ZFYVE9: variants seen among roughly 807,000 people sequenced by gnomAD.
ZFYVE9 encodes zinc finger FYVE domain-containing protein 9.
A neutral mutation model predicts 126.7 loss-of-function variants in ZFYVE9; 43 were observed. The ratio of observed to expected loss-of-function variants is 0.34; its 90% CI spans 0.27 to 0.44. ZFYVE9 has a LOEUF of 0.44. ZFYVE9 is among the 20% of genes least tolerant of loss of function. The probability of loss-of-function intolerance (pLI) is 1.00; values close to 1 mark genes in which losing one functional copy is unlikely to be tolerated. For synonymous variants in ZFYVE9, 521 were observed against 597.4 expected, an observed-to-expected ratio of 0.87 and a Z score of 1.87; for missense variants, 1,476 against 1,697.0, an observed-to-expected ratio of 0.87 and a Z score of 2.29.
chr1:52,272,725 A>G (rs886904118), intron 7 of ZFYVE9, among the ~76,000 whole-genome samples: 4 of 141,546 alleles, frequency 2.8e-5, no homozygotes, highest in African/African-American at 1.1e-4. Context: ...ACTGGAATGC[A>G]GTGGCAGGAT....
chr1:52,177,121 A>G lies in ZFYVE9; in HGVS notation c.-143+34718A>G, dbSNP rs1572076276. Among the ~76,000 whole-genome samples, 4 of 146,998 alleles carry G rather than the reference A, an allele frequency of 2.7e-5. No homozygotes were observed. The South Asian group carries it at 6.5e-4, about 24-fold the overall frequency. ...GGAGCTGTAGACCGGAGCTGTTCCT[A>G]TTTGGCCATCTTGGCTCCCCAGCCC... is the stretch of plus-strand genomic sequence containing the variant. On this transcript the variant is annotated intron_variant, in intron 1 of 18. Coordinates refer to ENST00000287727, the MANE Select transcript of ZFYVE9 (RefSeq NM_004799.4).
chr1:52,209,718 G>A (rs977189264), intron 1 of ZFYVE9, among the ~76,000 whole-genome samples: 1 of 152,302 alleles, frequency 6.6e-6, no homozygotes, highest in East Asian at 1.9e-4. Context: ...GAGGGTTTGT[G>A]TTGATCAAGA....
chr1:52,327,604 A>G (rs560079421), intron 13 of ZFYVE9, among the ~76,000 whole-genome samples: 3 of 147,310 alleles, frequency 2.0e-5, no homozygotes, highest in African/African-American at 7.4e-5. Context: ...CTTGTCTCAG[A>G]AAAAAAAAAA....
At chr1:52,233,149 G>A (rs1572120491) in intron 2 of ZFYVE9, 22 bp from the exon 3 acceptor site, 3 of 1,105,814 alleles carry the variant, frequency 2.7e-6, no homozygotes, top group Non-Finnish European at 2.5e-6. Context: ...AATTCAAAAT[G>A]TAATACGCAT....
intron 10 of ZFYVE9, among the ~76,000 whole-genome samples, chr1:52,292,282 CAA>C (rs568918260): frequency 9.7e-5 from 7 of 72,276 alleles, no homozygotes; most frequent in East Asian, 7.7e-4. Context: ...GACTCCATCT[CAA>C]AAAAAAAAAA....
At position 52,303,925 on chromosome 1, in the gene ZFYVE9, G is replaced by A. The variant is rs1390053814; in HGVS notation, c.3438G>A (p.Glu1146=). The A allele has an allele frequency of 6.3e-7, 1 of 1,587,124 alleles. No individual in the cohort carries two copies. The highest frequency in any genetic ancestry group is 8.6e-7 in the Non-Finnish European group (1 of 1,167,272). The change falls in exon 13 of 19, where the codon GAG becomes GAA. Residue 1146 remains glutamate, a splice_region_variant and synonymous_variant. Coordinates refer to ENST00000287727, the MANE Select transcript of ZFYVE9 (RefSeq NM_004799.4). The stretch of plus-strand genomic sequence containing the variant: ...AAATTCCCAGCAACAGATACAATGA[G>A]GTAAGATTTACCATGAAGGCGTATT... ...SIKIPSNRYN[E]MMKAMNKSNE... is the part of the protein sequence containing the mutation.
chr1:52,346,104 G>C lies in ZFYVE9; in HGVS notation c.4161G>C (p.Gln1387His). 6.2e-7 allele frequency: 1 copy of C among 1,612,562 alleles called. No individual in the cohort carries two copies. The highest frequency in any genetic ancestry group is 8.5e-7 in the Non-Finnish European group (1 of 1,178,898). Residue 1387 changes from glutamine to histidine, a missense_variant, in exon 19 of 19, where the codon CAG becomes CAC. This residue lies in a region of ZFYVE9 where 669 missense variants were observed against 902.4 expected (regional missense o/e 0.74). Transcript: ENST00000287727. ...AGSNGQPLPS[Q>H]YMNDLDSALV... is the part of the protein sequence containing the mutation. The stretch of plus-strand genomic sequence containing the variant: ...GCAATGGCCAGCCCCTTCCCTCGCA[G>C]TACATGAATGATCTGGACAGCGCCT...
chr1:52,216,082 AT>A (rs1007114106), intron 1 of ZFYVE9, among the ~76,000 whole-genome samples: 3 of 152,212 alleles, frequency 2.0e-5, no homozygotes, highest in Non-Finnish European at 2.9e-5. Flanking sequence ...AATTAAAGTC[AT>A]TGGGTAGAAA....
chr1:52,269,151 T>C (rs182273668), intron 7 of ZFYVE9, among the ~76,000 whole-genome samples: 82 of 152,272 alleles, frequency 5.4e-4, no homozygotes, highest in African/African-American at 1.9e-3. Flanking sequence ...TTTCTTTTTT[T>C]GAGATAGAGT....
chr1:52,215,093 A>G (rs1424510047), intron 1 of ZFYVE9, among the ~76,000 whole-genome samples: 1 of 152,228 alleles, frequency 6.6e-6, no homozygotes, highest in Non-Finnish European at 1.5e-5. Flanking sequence ...TGCCTCACAT[A>G]TTGAAAAACT....
chr1:52,180,813 T>C (rs895214784), intron 1 of ZFYVE9, among the ~76,000 whole-genome samples: 7 of 151,490 alleles, frequency 4.6e-5, no homozygotes, highest in Non-Finnish European at 8.8e-5. Context: ...CTGTCTCCAC[T>C]AAAAATACAA....
intron 13 of ZFYVE9, among the ~76,000 whole-genome samples, chr1:52,316,836 A>G (rs1646190251): frequency 6.6e-6 from 1 of 152,208 alleles, no homozygotes; most frequent in African/African-American, 2.4e-5. Context: ...AACACAGCCA[A>G]TTTTACTTAA....
intron 5 of ZFYVE9, among the ~76,000 whole-genome samples, chr1:52,264,604 C>A (rs1206879653): frequency 2.0e-5 from 3 of 152,168 alleles, no homozygotes; most frequent in Admixed American, 6.5e-5. Flanking sequence ...TTGAATGCAT[C>A]TTTGTACAGT....
At chr1:52,160,191 C>T (rs758014244) in intron 1 of ZFYVE9, 72 of 675,044 alleles carry the variant, frequency 1.1e-4, no homozygotes, top group Non-Finnish European at 1.7e-4. Context: ...AGGTTGGAGG[C>T]GCTTCTCCCT....
At chr1:52,222,795 T>C (rs1645136103) in intron 2 of ZFYVE9, among the ~76,000 whole-genome samples, 1 of 152,234 alleles carries the variant, frequency 6.6e-6, no homozygotes, top group Non-Finnish European at 1.5e-5. Context: ...TCCGAAGTGG[T>C]GACCAGGTTT....
chr1:52,296,747 G>A (rs1557506467), intron 12 of ZFYVE9, among the ~76,000 whole-genome samples: 1 of 152,034 alleles, frequency 6.6e-6, no homozygotes, highest in Non-Finnish European at 1.5e-5. Context: ...AATAACCACC[G>A]AGATTACCAC....
intron 4 of ZFYVE9, among the ~76,000 whole-genome samples, chr1:52,259,340 C>T (rs1346825768): frequency 6.6e-6 from 1 of 151,990 alleles, no homozygotes; most frequent in African/African-American, 2.4e-5. Flanking sequence ...GGAGTTAAGA[C>T]TTCAGCTTAA....
chr1:52,282,096 G>A (rs1421846066), intron 10 of ZFYVE9, among the ~76,000 whole-genome samples: 2 of 152,114 alleles, frequency 1.3e-5, no homozygotes, highest in Admixed American at 1.3e-4. Flanking sequence ...CAGGATATTG[G>A]TACCTGGTAG....
At chr1:52,223,632 T>C (rs1645144300) in intron 2 of ZFYVE9, among the ~76,000 whole-genome samples, 1 of 152,228 alleles carries the variant, frequency 6.6e-6, no homozygotes, top group South Asian at 2.1e-4. Context: ...TTCTTATCTG[T>C]TCCTTAAGTC....
Sources: allele counts gnomAD v4.1 joint callset (sites outside exome capture counted in the v4.1 genomes callset), GRCh38; gene constraint gnomAD v4.1.1; regional missense constraint gnomAD v4.1.1; transcripts MANE v1.5; gene names NCBI Gene and HGNC (gene_info 2026-07-23, HGNC 2026-07-21).